Variants in PTPN23 observed in about 807,000 individuals in gnomAD.
PTPN23 encodes protein tyrosine phosphatase non-receptor type 23, also known as tyrosine-protein phosphatase non-receptor type 23.
A neutral mutation model predicts 156.3 loss-of-function variants in PTPN23; 72 were observed. The observed-to-expected ratio is 0.46, with a 90% CI of 0.38 to 0.56. The LOEUF is 0.56. Among genes scored for constraint, PTPN23 ranks in the 20% least tolerant of loss-of-function variants. The pLI is 0.00. For missense variants in PTPN23, 1,974 were observed against 2,171.5 expected (o/e 0.91, Z 1.81); for synonymous variants, 957 against 899.6 (o/e 1.06, Z -1.14).
intron 2 of PTPN23, 64 bp downstream of exon 2, chr3:47,396,281 G>C: frequency 7.2e-7 from 1 of 1,388,742 alleles, no homozygotes; most frequent in Non-Finnish European, 1.0e-6. Flanking sequence ...GGGAGATAAA[G>C]AAACTGCCTA....
intron 14 of PTPN23, 134 bp from the exon 15 acceptor site, chr3:47,408,211 T>G (rs1446462205): frequency 7.9e-7 from 1 of 1,265,494 alleles, no homozygotes; most frequent in Non-Finnish European, 1.1e-6. Flanking sequence ...GACCTGGTAG[T>G]AGGGGTCCGA....
chr3:47,404,141 A>G (rs781566176), intron 2 of PTPN23, among the ~76,000 whole-genome samples: 1 of 152,186 alleles, frequency 6.6e-6, no homozygotes, highest in Non-Finnish European at 1.5e-5. Flanking sequence ...TGCTTTTCAG[A>G]TGTTTGAGAT....
At chr3:47,408,018 C>T in intron 14 of PTPN23, 63 bp downstream of exon 14, 1 of 1,548,104 alleles carries the variant, frequency 6.5e-7, no homozygotes, top group Non-Finnish European at 8.8e-7. Context: ...TCTGGGGGCC[C>T]CAGGGCTGCC....
chr3:47,389,971 G>A (rs1330566019), intron 1 of PTPN23, among the ~76,000 whole-genome samples: 1 of 151,656 alleles, frequency 6.6e-6, no homozygotes, highest in African/African-American at 2.4e-5. Context: ...TACTTGGGAG[G>A]CTTAGGCAGG....
rs71098482 is a variant in PTPN23, at chr3:47,382,680, CTTTTT to C, written c.84+1522_84+1526del. 5.8e-3 allele frequency among the ~76,000 whole-genome samples: 341 copies of C among 58,628 alleles called. 1 individual carries two copies. The highest frequency in any genetic ancestry group is 8.7e-3 in the Admixed American group (33 of 3,776). 38.5% of individuals were successfully genotyped at this position (58,628 alleles called of 152,430 possible). A position where few individuals can be genotyped will look rare whatever the true frequency, so the allele number is the denominator to read the frequency against. On this transcript the variant is annotated intron_variant, in intron 1 of 24. Transcript: ENST00000265562. ...AGAACTCCTGTTTTCTTTTTCTTTT[CTTTTT>C]TTTTTTTTTTTTTTTTTTTTTGAGA... is the stretch of plus-strand genomic sequence containing the variant.
chr3:47,412,744 T>G lies in PTPN23; in HGVS notation c.4470T>G (p.Gly1490=). The G allele has an allele frequency of 6.2e-7, 1 of 1,604,912 alleles. No individual in the cohort carries two copies. The highest frequency in any genetic ancestry group is 8.5e-7 in the Non-Finnish European group (1 of 1,173,798). Residue 1490 remains glycine, a synonymous_variant, in exon 25 of 25, where the codon GGT becomes GGG. Transcript: ENST00000265562. The part of the protein sequence containing the change: ...LPQDSQDLVL[G]GDVPISSIQA... ...AGGACTCCCAGGACCTGGTCCTCGG[T>G]GGGGATGTGCCCATCAGCTCCATCC...
chr3:47,401,661 A>G (rs1318982181), intron 2 of PTPN23, among the ~76,000 whole-genome samples: 1 of 152,172 alleles, frequency 6.6e-6, no homozygotes. Flanking sequence ...GTTAAGTACA[A>G]GTGGTATTTG....
Position 47,405,647 on chromosome 3 carries a change from C to A in PTPN23, c.365-102C>A. ...GGACTCGTTGCCCTGGTTCTCAGAG[C>A]CATGTTGTCCTGATTGTGGATAACA... On this transcript the variant is annotated intron_variant, in intron 4 of 24. Coordinates refer to ENST00000265562, the MANE Select transcript of PTPN23 (RefSeq NM_015466.4). This position sits in a 1 kb window ranked among gnomAD's most constrained non-coding sequence, Gnocchi z 4.7. The A allele has an allele frequency of 1.6e-6, 2 of 1,230,784 alleles. No individual in the cohort carries two copies. The highest frequency in any genetic ancestry group is 1.2e-6 in the Non-Finnish European group (1 of 867,644). The allele number at this position is 1,230,784 out of a possible 1,614,324, so 76.2% of individuals were successfully genotyped here. A position where few individuals can be genotyped will look rare whatever the true frequency, so the allele number is the denominator to read the frequency against.
At chr3:47,381,246 C>A in intron 1 of PTPN23, 66 bp downstream of exon 1, 1 of 1,536,832 alleles carries the variant, frequency 6.5e-7, no homozygotes, top group Non-Finnish European at 8.8e-7. Context: ...GCGCGTGACG[C>A]CCCCCTGCGC....
In PTPN23 at chr3:47,413,427, T is replaced by C; in HGVS notation, c.*242T>C. ...TTGCTATTGAAATAATAAACCACCC[T>C]GTTCTGTGGCCCGTGTCTGAGTCTG... On this transcript the variant is annotated 3_prime_UTR_variant, in exon 25 of 25. Coordinates refer to ENST00000265562, the MANE Select transcript of PTPN23 (RefSeq NM_015466.4). 1 of 566,388 alleles carries C rather than the reference T, an allele frequency of 1.8e-6. No homozygotes were observed. The highest frequency in any genetic ancestry group is 3.0e-6 in the Non-Finnish European group (1 of 328,442). The allele number at this position is 566,388 out of a possible 1,614,324, so 35.1% of individuals were successfully genotyped here. A position where few individuals can be genotyped will look rare whatever the true frequency, so the allele number is the denominator to read the frequency against.
chr3:47,410,096 C>T lies in PTPN23; in HGVS notation c.2298C>T (p.Ala766=). The T allele has an allele frequency of 6.2e-7, 1 of 1,606,808 alleles. No individual in the cohort carries two copies. The change falls in exon 20 of 25, where the codon GCC becomes GCT. Residue 766 remains alanine (A), a synonymous_variant. Coordinates refer to ENST00000265562, the MANE Select transcript of PTPN23 (RefSeq NM_015466.4). ...TGCCTGACACCTTCCTGGGAAGTGC[C>T]ACCCCGCTCCACTTTCCTCCCAGCC... The part of the protein sequence containing the change: ...PRLPDTFLGS[A]TPLHFPPSPF...
At position 47,407,155 on chromosome 3, in the gene PTPN23, A is replaced by G; in HGVS notation, c.833A>G (p.Asp278Gly). The G allele has an allele frequency of 6.2e-7, 1 of 1,614,038 alleles. No homozygotes were observed. Among genetic ancestry groups the G allele is most frequent in the East Asian group, 2.2e-5 (1 of 44,872 alleles). ...ERVAYFQSAL[D>G]KLNEAIKLAK... Reference sequence around the variant, plus strand: ...GTTGCATACTTCCAGAGCGCCCTGGACAAGCTCAATGAAGCCATCAAGTTG... The same window carrying G: ...GTTGCATACTTCCAGAGCGCCCTGGGCAAGCTCAATGAAGCCATCAAGTTG... Residue 278 changes from aspartate (D) to glycine (G), a missense_variant, in exon 10 of 25, where the codon GAC becomes GGC. Coordinates refer to ENST00000265562, the MANE Select transcript of PTPN23 (RefSeq NM_015466.4). The surrounding 1 kb of genome is among the most constrained non-coding windows in gnomAD (Gnocchi z 4.0).
chr3:47,389,470 TG>T (rs1704723120), intron 1 of PTPN23, among the ~76,000 whole-genome samples: 1 of 151,788 alleles, frequency 6.6e-6, no homozygotes, highest in African/African-American at 2.4e-5. Context: ...AAAAATTAGC[TG>T]GGGCCAGGCA....
At chr3:47,391,476 G>A (rs778345790) in intron 1 of PTPN23, among the ~76,000 whole-genome samples, 1 of 152,170 alleles carries the variant, frequency 6.6e-6, no homozygotes, top group Non-Finnish European at 1.5e-5. Flanking sequence ...GTTGTTCTAA[G>A]GATGGAGTGA....
chr3:47,384,655 C>G (rs1486298701), intron 1 of PTPN23, among the ~76,000 whole-genome samples: 2 of 151,938 alleles, frequency 1.3e-5, no homozygotes, highest in East Asian at 3.9e-4. Context: ...GATTTTCACT[C>G]CCAGTAGACA....
At position 47,412,384 on chromosome 3, in the gene PTPN23, G is replaced by T; in HGVS notation, c.4280G>T (p.Arg1427Leu). ...GIPELPQLVR[R>L]MRQQRKHMLQ... ...CCTGAGCTGCCTCAGCTGGTGCGGC[G>T]CATGCGGCAGCAGAGAAAGCACATG... The change falls in exon 23 of 25, where the codon CGC (arginine) becomes CTC (leucine). Residue 1427 changes from arginine (R) to leucine (L), a missense_variant. By Grantham distance (102) the Arg-to-Leu change is moderately radical. This residue lies in a region of PTPN23 where 484 missense variants were observed against 516.0 expected (regional missense o/e 0.94). Transcript: ENST00000265562. The T allele has an allele frequency of 6.2e-7, 1 of 1,613,120 alleles. No homozygotes were observed. Among genetic ancestry groups the T allele is most frequent in the South Asian group, 1.1e-5 (1 of 91,088 alleles).
Position 47,409,649 on chromosome 3 carries a change from C to T in PTPN23, c.1950-6C>T, listed in dbSNP as rs776755842. The T allele has an allele frequency of 6.2e-7, 1 of 1,612,632 alleles. No individual in the cohort carries two copies. Among genetic ancestry groups the T allele is most frequent in the South Asian group, 1.1e-5 (1 of 90,992 alleles). Reference sequence around the variant, plus strand: ...TTCACCTGGAGCTGGCCCTTCTGCCCACCAGGTGGAACTCCACGCTGCAGA... The same window carrying T: ...TTCACCTGGAGCTGGCCCTTCTGCCTACCAGGTGGAACTCCACGCTGCAGA... On this transcript the variant is annotated splice_polypyrimidine_tract_variant and splice_region_variant and intron_variant, in intron 18 of 24. Transcript: ENST00000265562.
intron 2 of PTPN23, among the ~76,000 whole-genome samples, chr3:47,398,352 G>A (rs1394264167): frequency 1.3e-5 from 2 of 152,032 alleles, no homozygotes; most frequent in Non-Finnish European, 2.9e-5. Flanking sequence ...GAAAAACTGA[G>A]ATAGGCCAAA....
At position 47,405,154 on chromosome 3, in the gene PTPN23, C is replaced by T; in HGVS notation, c.364+73C>T. ...GCCTAGCTTTCAGCTCTTCAGATGG[C>T]CACAAAGGCAGTGGGCTGATAAAGG... On this transcript the variant is annotated intron_variant, in intron 4 of 24. Transcript: ENST00000265562. The surrounding 1 kb of genome is among the most constrained non-coding windows in gnomAD (Gnocchi z 4.7). The T allele has an allele frequency of 1.4e-6, 2 of 1,414,284 alleles. No homozygotes were observed. Among genetic ancestry groups the T allele is most frequent in the Non-Finnish European group, 1.0e-6 (1 of 1,000,146 alleles). 87.6% of individuals were successfully genotyped at this position (1,414,284 alleles called of 1,614,324 possible).
Sources: allele counts gnomAD v4.1 joint callset (sites outside exome capture counted in the v4.1 genomes callset), GRCh38; gene constraint gnomAD v4.1.1; regional missense constraint gnomAD v4.1.1; non-coding constraint Gnocchi (gnomAD v3.1); transcripts MANE v1.5; gene names NCBI Gene and HGNC (gene_info 2026-07-23, HGNC 2026-07-21).